The following CACNA2D1 variants were observed in gnomAD, a reference collection of about 807,000 sequenced individuals.
CACNA2D1 encodes the protein calcium voltage-gated channel auxiliary subunit alpha2delta 1.
Under a neutral mutation model 171.5 loss-of-function variants are expected in CACNA2D1, and 53 were observed. The observed-to-expected ratio is 0.31, with a 90% CI of 0.25 to 0.39. The LOEUF is 0.39. Ranked by LOEUF, CACNA2D1 falls within the 10% of genes least tolerant of loss-of-function variation. The pLI is 1.00. For missense variants in CACNA2D1, 903 were observed against 1,299.8 expected, an observed-to-expected ratio of 0.69 and a Z score of 4.69; for synonymous variants, 442 against 443.1, an observed-to-expected ratio of 1.00 and a Z score of 0.03.
intron 1 of CACNA2D1, chr7:82,410,376 C>G (rs1410681094): frequency 3.2e-5 from 10 of 309,996 alleles, no homozygotes; most frequent in African/African-American, 6.8e-5. Flanking sequence ...AGCGGTTTAC[C>G]TAATCCATTT....
At chr7:82,025,105 C>T (rs1210091605) in intron 12 of CACNA2D1, among the ~76,000 whole-genome samples, 1 of 151,512 alleles carries the variant, frequency 6.6e-6, no homozygotes, top group East Asian at 1.9e-4. Flanking sequence ...TTGTTTTGTT[C>T]AAGATTTCTT....
At chr7:81,975,306 GT>G (rs1795725763) in intron 24 of CACNA2D1, among the ~76,000 whole-genome samples, 2 of 151,970 alleles carry the variant, frequency 1.3e-5, no homozygotes. Flanking sequence ...TTCATTACAT[GT>G]TAATATATTT....
intron 3 of CACNA2D1, among the ~76,000 whole-genome samples, chr7:82,210,884 G>A: frequency 6.6e-6 from 1 of 152,086 alleles, no homozygotes; most frequent in East Asian, 1.9e-4. Flanking sequence ...TTTGTTTAAT[G>A]AATGGGTTAA....
intron 3 of CACNA2D1, among the ~76,000 whole-genome samples, chr7:82,286,402 C>G (rs985291008): frequency 6.6e-6 from 1 of 152,090 alleles, no homozygotes; most frequent in Non-Finnish European, 1.5e-5. Context: ...CACATATTTA[C>G]TAAAACACAC....
At chr7:82,103,373 G>T (rs1239459350) in intron 6 of CACNA2D1, among the ~76,000 whole-genome samples, 1 of 152,136 alleles carries the variant, frequency 6.6e-6, no homozygotes, top group African/African-American at 2.4e-5. Context: ...TCTAAATGAA[G>T]CAAAAGGTCT....
intron 3 of CACNA2D1, among the ~76,000 whole-genome samples, chr7:82,197,003 T>C (rs761970399): frequency 2.0e-5 from 3 of 152,126 alleles, no homozygotes; most frequent in Admixed American, 6.6e-5. Context: ...CCTTTTCTCA[T>C]GTAATTTTTT....
At chr7:82,355,756 T>A (rs547051146) in intron 1 of CACNA2D1, among the ~76,000 whole-genome samples, 1 of 152,146 alleles carries the variant, frequency 6.6e-6, no homozygotes, top group South Asian at 2.1e-4. Context: ...TCAGCATCTG[T>A]CTTTGATTTT....
chr7:82,089,340 A>T (rs558340639), intron 6 of CACNA2D1, among the ~76,000 whole-genome samples: 1 of 152,270 alleles, frequency 6.6e-6, no homozygotes, highest in Non-Finnish European at 1.5e-5. Context: ...TTAGGAGTAA[A>T]ATTAGTTCTC....
intron 3 of CACNA2D1, among the ~76,000 whole-genome samples, chr7:82,274,491 C>T (rs1314859561): frequency 6.6e-6 from 1 of 152,146 alleles, no homozygotes; most frequent in Non-Finnish European, 1.5e-5. Context: ...GTGAATGCTT[C>T]ATTTAAGTTG....
chr7:82,307,540 T>C (rs1036930073), intron 3 of CACNA2D1, among the ~76,000 whole-genome samples: 6 of 150,994 alleles, frequency 4.0e-5, no homozygotes, highest in Admixed American at 6.6e-5. Flanking sequence ...AAATTTATAA[T>C]TCTTATAAAG....
At chr7:81,993,525 C>T (rs190560393) in intron 20 of CACNA2D1, among the ~76,000 whole-genome samples, 1 of 152,190 alleles carries the variant, frequency 6.6e-6, no homozygotes, top group African/African-American at 2.4e-5. Context: ...CTGCCAAACC[C>T]CTTACATAGA....
chr7:82,162,005 C>T (rs1372708056), intron 4 of CACNA2D1, among the ~76,000 whole-genome samples: 1 of 151,886 alleles, frequency 6.6e-6, no homozygotes, highest in African/African-American at 2.4e-5. Flanking sequence ...TTCCTGATAA[C>T]TAAAGAAGTG....
rs1816705731 is a variant in CACNA2D1, at chr7:82,326,845, TA to T, written c.294+8289del. Among the ~76,000 whole-genome samples the T allele has an allele frequency of 1.8e-5, 2 of 108,742 alleles. 1 individual carries two copies. The highest frequency in any genetic ancestry group is 4.6e-5 in the Non-Finnish European group (2 of 43,626). 71.3% of individuals were successfully genotyped at this position (108,742 alleles called of 152,430 possible). A position where few individuals can be genotyped will look rare whatever the true frequency, so the allele number is the denominator to read the frequency against. On this transcript the variant is annotated intron_variant, in intron 3 of 38. Coordinates refer to ENST00000356860, the MANE Select transcript of CACNA2D1 (RefSeq NM_000722.4). The stretch of plus-strand genomic sequence containing the variant: ...ATCTAACGTGATTCCTGGTTTCAAA[TA>T]CTTCAACTACCATTGACTATTCTCA...
At chr7:82,125,881 A>G (rs1411375366) in intron 5 of CACNA2D1, among the ~76,000 whole-genome samples, 1 of 152,216 alleles carries the variant, frequency 6.6e-6, no homozygotes, top group East Asian at 1.9e-4. Flanking sequence ...TGACAATAAA[A>G]TGAAAAATAT....
intron 10 of CACNA2D1, among the ~76,000 whole-genome samples, chr7:82,050,068 C>G (rs756076447): frequency 6.6e-6 from 1 of 152,118 alleles, no homozygotes; most frequent in African/African-American, 2.4e-5. Context: ...AAAAAGCCAA[C>G]AAAACATGTC....
chr7:82,297,127 GC>G (rs1229030250), intron 3 of CACNA2D1, among the ~76,000 whole-genome samples: 1 of 143,082 alleles, frequency 7.0e-6, no homozygotes, highest in Non-Finnish European at 1.5e-5. Context: ...CACATCTATA[GC>G]CCCAGCTAAT....
At chr7:82,398,631 G>A (rs944075537) in intron 1 of CACNA2D1, among the ~76,000 whole-genome samples, 10 of 149,896 alleles carry the variant, frequency 6.7e-5, no homozygotes, top group Non-Finnish European at 1.5e-4. Flanking sequence ...AGGCTGAAGT[G>A]CAATGGCATA....
chr7:81,982,052 C>T lies in CACNA2D1; in HGVS notation c.1955+515G>A, dbSNP rs551084873. ...CACAATTTTCTATTACTGTTGGAAG[C>T]ACTGTTTGTTCTACAAGAGCAAAGC... On this transcript the variant is annotated intron_variant, in intron 24 of 38. Transcript: ENST00000356860. 2.8e-4 allele frequency among the ~76,000 whole-genome samples: 42 copies of T among 152,042 alleles called. 1 individual carries two copies. Among genetic ancestry groups the T allele is most frequent in the Admixed American group, 4.6e-4 (7 of 15,258 alleles).
At chr7:82,079,627 G>A (rs2129003885) in intron 7 of CACNA2D1, among the ~76,000 whole-genome samples, 1 of 151,876 alleles carries the variant, frequency 6.6e-6, no homozygotes, top group Admixed American at 6.6e-5. Context: ...AGGGGGCAGA[G>A]GTTGCAGTGA....
Sources: gnomAD v4.1 joint callset for allele counts (sites outside exome capture counted in the v4.1 genomes callset) on GRCh38, gnomAD v4.1.1 for gene constraint, MANE v1.5 for transcripts, NCBI Gene and HGNC (gene_info 2026-07-23, HGNC 2026-07-21) for gene names.